Variants in TOX observed in about 807,000 individuals in gnomAD.
TOX encodes the protein thymocyte selection associated high mobility group box, also known as thymocyte selection-associated high mobility group box protein TOX.
A neutral mutation model predicts 53.7 loss-of-function variants in TOX; 11 were observed. The observed-to-expected ratio is 0.20, with a 90% confidence interval of 0.13 to 0.34. TOX has a LOEUF of 0.34. Ranked by LOEUF, TOX falls within the 10% of genes least tolerant of loss-of-function variation. The pLI is 1.00. For missense variants in TOX, 570 were observed against 664.6 expected (o/e 0.86, Z 1.56); for synonymous variants, 225 against 245.3 (o/e 0.92, Z 0.77).
rs180965437 is a variant in TOX, at chr8:58,949,274, A to G, written c.169-9730T>C. 2.1e-3 allele frequency among the ~76,000 whole-genome samples: 316 copies of G among 152,340 alleles called. 1 individual carries two copies. The highest frequency in any genetic ancestry group is 7.0e-3 in the African/African-American group (292 of 41,590). ...TGTGAATAATTTTCCATGCCAATAA[A>G]TATTATCAACATTAGTGTTTAAATG... On this transcript the variant is annotated intron_variant, in intron 2 of 8. Coordinates refer to ENST00000361421, the MANE Select transcript of TOX (RefSeq NM_014729.3).
chr8:58,841,832 T>A (rs889693375), intron 4 of TOX, among the ~76,000 whole-genome samples: 1 of 152,206 alleles, frequency 6.6e-6, no homozygotes, highest in Non-Finnish European at 1.5e-5. Context: ...AATCCTCATA[T>A]TTCATCAACG....
intron 3 of TOX, among the ~76,000 whole-genome samples, chr8:58,889,458 GGA>G (rs1811526480): frequency 1.3e-5 from 2 of 151,996 alleles, no homozygotes; most frequent in Non-Finnish European, 2.9e-5. Context: ...AGCTCTGGAG[GGA>G]GAGAGAAGAA....
rs141729996 is a variant in TOX, at chr8:59,099,616, A to G, written c.102+19270T>C. On this transcript the variant is annotated intron_variant, in intron 1 of 8. Transcript: ENST00000361421. The stretch of plus-strand genomic sequence containing the variant: ...CATTGGGTATTAGCACTTGGCTCAA[A>G]TCTCTCTAATATTTCAAAGGAGAAG... 2.0e-5 allele frequency among the ~76,000 whole-genome samples: 3 copies of G among 152,324 alleles called. No individual in the cohort carries two copies. In the East Asian group the frequency reaches 5.8e-4, roughly 29 times the overall value.
intron 3 of TOX, among the ~76,000 whole-genome samples, chr8:58,924,566 T>C (rs1304925307): frequency 1.3e-5 from 2 of 152,262 alleles, no homozygotes; most frequent in African/African-American, 4.8e-5. Context: ...CCTTCAGGCA[T>C]GATTCTTCCT....
intron 5 of TOX, among the ~76,000 whole-genome samples, chr8:58,829,940 C>T (rs889729986): frequency 1.3e-5 from 2 of 152,110 alleles, no homozygotes; most frequent in African/African-American, 2.4e-5. Context: ...TGTCCCAGCA[C>T]GGCATTTGGC....
chr8:58,990,864 T>C (rs948367593), intron 1 of TOX, among the ~76,000 whole-genome samples: 2 of 152,208 alleles, frequency 1.3e-5, no homozygotes, highest in Non-Finnish European at 2.9e-5. Context: ...GTGTCCCTTG[T>C]CCATTTCCTT....
intron 6 of TOX, among the ~76,000 whole-genome samples, chr8:58,825,373 T>C (rs578181110): frequency 6.6e-6 from 1 of 152,302 alleles, no homozygotes; most frequent in Admixed American, 6.5e-5. Flanking sequence ...GAAATGGCAA[T>C]TCGCAGCATT....
At chr8:58,949,300 G>A (rs983099522) in intron 2 of TOX, among the ~76,000 whole-genome samples, 2 of 152,098 alleles carry the variant, frequency 1.3e-5, no homozygotes, top group Middle Eastern at 3.2e-3. Context: ...TGTTTAAATG[G>A]TTGCATATTG....
At chr8:59,065,548 T>C (rs975971280) in intron 1 of TOX, among the ~76,000 whole-genome samples, 24 of 152,300 alleles carry the variant, frequency 1.6e-4, no homozygotes, top group African/African-American at 5.5e-4. Flanking sequence ...TTAAAGATAA[T>C]CTAATCTGAC....
chr8:58,819,706 T>A (rs1162091752), intron 6 of TOX, among the ~76,000 whole-genome samples: 12 of 152,226 alleles, frequency 7.9e-5, no homozygotes, highest in African/African-American at 2.2e-4. Flanking sequence ...AATTTCCCCA[T>A]TCTGGGATGA....
intron 1 of TOX, among the ~76,000 whole-genome samples, chr8:58,969,213 C>T (rs1337381701): frequency 6.6e-6 from 1 of 152,146 alleles, no homozygotes; most frequent in Non-Finnish European, 1.5e-5. Context: ...CAGTCTAGAA[C>T]TACTCCATTT....
At chr8:58,983,058 G>A (rs147694869) in intron 1 of TOX, among the ~76,000 whole-genome samples, 4 of 152,242 alleles carry the variant, frequency 2.6e-5, no homozygotes, top group Non-Finnish European at 5.9e-5. Flanking sequence ...AAACCAGAGT[G>A]GTATTTATCC....
At position 59,118,728 on chromosome 8, in the gene TOX, AT is replaced by A. The variant is rs940818259; in HGVS notation, c.102+157del. On this transcript the variant is annotated intron_variant, in intron 1 of 8. Coordinates refer to ENST00000361421, the MANE Select transcript of TOX (RefSeq NM_014729.3). This position sits in a 1 kb window ranked among gnomAD's most constrained non-coding sequence, Gnocchi z 4.1. ...CAAGCCCCCGGAGCTACTCCACAAT[AT>A]TTACTACCCAAGCGCACGCAGGCTG... 6.6e-5 allele frequency among the ~76,000 whole-genome samples: 10 copies of A among 151,856 alleles called. No homozygotes were observed. Among genetic ancestry groups the A allele is most frequent in the Non-Finnish European group, 1.2e-4 (8 of 67,970 alleles).
intron 1 of TOX, among the ~76,000 whole-genome samples, chr8:59,054,755 C>A (rs1803858607): frequency 6.7e-6 from 1 of 149,706 alleles, no homozygotes. Context: ...TACCAACAGC[C>A]ACCACAAGCT....
chr8:58,912,529 C>G (rs943137569), intron 3 of TOX, among the ~76,000 whole-genome samples: 4 of 152,232 alleles, frequency 2.6e-5, no homozygotes, highest in African/African-American at 7.2e-5. Context: ...AGAACAGCAG[C>G]TCTCAAACCT....
chr8:59,024,222 T>C (rs1404993310), intron 1 of TOX, among the ~76,000 whole-genome samples: 1 of 152,196 alleles, frequency 6.6e-6, no homozygotes, highest in African/African-American at 2.4e-5. Context: ...TTGTTGATAT[T>C]AAGAGATAAA....
At chr8:59,058,313 G>C (rs994809542) in intron 1 of TOX, among the ~76,000 whole-genome samples, 4 of 152,112 alleles carry the variant, frequency 2.6e-5, no homozygotes, top group African/African-American at 9.7e-5. Context: ...TGGGAGGAAA[G>C]AACTACGTAT....
chr8:58,902,159 G>A (rs893974043), intron 3 of TOX, among the ~76,000 whole-genome samples: 16 of 152,042 alleles, frequency 1.1e-4, no homozygotes, highest in African/African-American at 3.6e-4. Flanking sequence ...ATCATTACGA[G>A]TATGCTTTTC....
rs1349821096 is a variant in TOX at position 59,063,453 on chromosome 8, A to C, written c.102+55433T>G. On this transcript the variant is annotated intron_variant, in intron 1 of 8. Transcript: ENST00000361421. Reference sequence around the variant, plus strand: ...TTTTTTTTTTTTTTTTTTGAGATGGAGTCTCTGTTGCCCAAGCTGGAATGC... The same window carrying C: ...TTTTTTTTTTTTTTTTTTGAGATGGCGTCTCTGTTGCCCAAGCTGGAATGC... 1.7e-5 allele frequency among the ~76,000 whole-genome samples: 2 copies of C among 120,520 alleles called. 1 individual carries two copies. Among genetic ancestry groups the C allele is most frequent in the African/African-American group, 6.8e-5 (2 of 29,472 alleles). 79.1% of individuals were successfully genotyped at this position (120,520 alleles called of 152,430 possible). A position where few individuals can be genotyped will look rare whatever the true frequency, so the allele number is the denominator to read the frequency against.
Sources: allele counts gnomAD v4.1 joint callset (sites outside exome capture counted in the v4.1 genomes callset), GRCh38; gene constraint gnomAD v4.1.1; non-coding constraint Gnocchi (gnomAD v3.1); transcripts MANE v1.5; gene names NCBI Gene and HGNC (gene_info 2026-07-23, HGNC 2026-07-21).